Variants in LARP4 observed in about 807,000 individuals in gnomAD.
LARP4 encodes La ribonucleoprotein 4, also known as la-related protein 4.
In LARP4, 29 loss-of-function variants were observed where a neutral mutation model predicts 92.9. That is an observed-to-expected ratio of 0.31 (90% confidence interval 0.23 to 0.43). The LOEUF is 0.43. Ranked by LOEUF, LARP4 falls within the 20% of genes least tolerant of loss-of-function variation. The probability of loss-of-function intolerance (pLI) is 1.00; values close to 1 mark genes in which losing one functional copy is unlikely to be tolerated. For synonymous variants in LARP4, 279 were observed against 284.1 expected (o/e 0.98, Z 0.18); for missense variants, 732 against 860.0 (o/e 0.85, Z 1.86).
At chr12:50,461,924 T>G (rs968892803) in intron 11 of LARP4, among the ~76,000 whole-genome samples, 1 of 151,980 alleles carries the variant, frequency 6.6e-6, no homozygotes. Flanking sequence ...CACCACTGCA[T>G]TCCAGCCTGG....
chr12:50,456,894 T>G (rs1436814606), intron 10 of LARP4, among the ~76,000 whole-genome samples: 1 of 149,060 alleles, frequency 6.7e-6, no homozygotes, highest in African/African-American at 2.4e-5. Flanking sequence ...TATCAGTTCA[T>G]TTTCAAGATG....
chr12:50,453,074 CTTT>C (rs755416642), intron 8 of LARP4, among the ~76,000 whole-genome samples: 1 of 136,114 alleles, frequency 7.3e-6, no homozygotes, highest in Non-Finnish European at 1.6e-5. Flanking sequence ...CCATGCCCAG[CTTT>C]TTTTTTTTTT....
intron 5 of LARP4, among the ~76,000 whole-genome samples, chr12:50,437,068 C>G (rs967665466): frequency 1.7e-4 from 26 of 152,280 alleles, no homozygotes; most frequent in African/African-American, 5.5e-4. Context: ...CTTATTATAC[C>G]TATGCCATCA....
intron 1 of LARP4, chr12:50,402,761 G>C (rs1040480064): frequency 4.4e-6 from 2 of 455,648 alleles, no homozygotes; most frequent in Non-Finnish European, 8.8e-6. Flanking sequence ...AGGTCATGCT[G>C]ATGTCAAATC....
chr12:50,461,947 G>A (rs866346305), intron 11 of LARP4, among the ~76,000 whole-genome samples: 5 of 152,140 alleles, frequency 3.3e-5, no homozygotes, highest in Admixed American at 6.5e-5. Context: ...GACAGAGCGC[G>A]ACTCTGTCTC....
At chr12:50,408,965 A>G (rs753895699) in intron 1 of LARP4, among the ~76,000 whole-genome samples, 4 of 151,980 alleles carry the variant, frequency 2.6e-5, no homozygotes, top group East Asian at 1.9e-4. Context: ...CAACATAGTG[A>G]CACCCCATGT....
At chr12:50,469,601 C>CAAAAA (rs757844912) in intron 13 of LARP4, among the ~76,000 whole-genome samples, 17 of 65,432 alleles carry the variant, frequency 2.6e-4, no homozygotes, top group Non-Finnish European at 3.7e-4. Context: ...GAGACTCTAT[C>CAAAAA]AAAAAAAAAA....
At chr12:50,402,662 A>G (rs540861891) in intron 1 of LARP4, 3 of 387,144 alleles carry the variant, frequency 7.7e-6, no homozygotes, top group East Asian at 8.0e-5. Context: ...GCGATACTTA[A>G]TATGTTTTAC....
At position 50,461,237 on chromosome 12, in the gene LARP4, T is replaced by C. The variant is rs370323231; in HGVS notation, c.1224T>C (p.Phe408=). 5.6e-6 allele frequency: 9 copies of C among 1,614,108 alleles called. No homozygotes were observed. Among genetic ancestry groups the C allele is most frequent in the South Asian group, 5.5e-5 (5 of 91,074 alleles). Residue 408 remains phenylalanine (F), a synonymous_variant, in exon 11 of 16, where the codon TTT becomes TTC. Transcript: ENST00000398473. ...GQLNRYSSRN[F]PAERHNPTVT... ...TGAACAGATATAGTTCAAGAAACTT[T>C]CCAGCTGAACGGCATAACCCCACAG...
intron 1 of LARP4, among the ~76,000 whole-genome samples, chr12:50,410,562 C>T (rs1306559499): frequency 3.3e-5 from 5 of 151,664 alleles, no homozygotes; most frequent in South Asian, 2.1e-4. Context: ...CCCACCACCA[C>T]GCCTGGTTAT....
chr12:50,427,995 T>G, intron 2 of LARP4, 86 bp downstream of exon 2: 1 of 548,130 alleles, frequency 1.8e-6, no homozygotes, highest in Non-Finnish European at 2.6e-6. Flanking sequence ...ACACATCTCT[T>G]TTTTTTTTTT....
At chr12:50,450,383 G>C (rs1004569504) in intron 8 of LARP4, among the ~76,000 whole-genome samples, 6 of 152,160 alleles carry the variant, frequency 3.9e-5, no homozygotes, top group Admixed American at 6.5e-5. Context: ...CCACTGCCTA[G>C]ACACAAGTAG....
Position 50,400,934 on chromosome 12 carries a change from C to G in LARP4, c.-77C>G, listed in dbSNP as rs1009228048. Reference sequence around the variant, plus strand: ...GGGCAAGGCGAGTGTGTGTCCTTATCCTAGCAATTGGGGCGCGGGCCTGTG... The same window carrying G: ...GGGCAAGGCGAGTGTGTGTCCTTATGCTAGCAATTGGGGCGCGGGCCTGTG... On this transcript the variant is annotated 5_prime_UTR_variant, in exon 1 of 16. In the 5' UTR this introduces an upstream ATG that the reference lacks. Coordinates refer to ENST00000398473, the MANE Select transcript of LARP4 (RefSeq NM_052879.5). 5 of 1,600,450 alleles carry G rather than the reference C, an allele frequency of 3.1e-6. No homozygotes were observed. The highest frequency in any genetic ancestry group is 4.3e-6 in the Non-Finnish European group (5 of 1,167,560).
Position 50,478,217 on chromosome 12 carries a change from A to G in LARP4, c.*2353A>G, listed in dbSNP as rs1436213034. 6.6e-6 allele frequency: 1 copy of G among 152,170 alleles called. No homozygotes were observed. The highest frequency in any genetic ancestry group is 1.9e-4 in the East Asian group (1 of 5,206). 9.4% of individuals were successfully genotyped at this position (152,170 alleles called of 1,614,324 possible). On this transcript the variant is annotated 3_prime_UTR_variant, in exon 16 of 16. Coordinates refer to ENST00000398473, the MANE Select transcript of LARP4 (RefSeq NM_052879.5). Reference sequence around the variant, plus strand: ...TAAAGTAGAAATTTAATTTGTAGATATAACCTTTAAAAATTTTCTCATTAA... The same window carrying G: ...TAAAGTAGAAATTTAATTTGTAGATGTAACCTTTAAAAATTTTCTCATTAA...
At position 50,467,048 on chromosome 12, in the gene LARP4, A is replaced by G; in HGVS notation, c.1473A>G (p.Ser491=). ...ASNFPPLPGS[S]SRMPGELVLE... ...ATTTTCCACCTTTACCTGGAAGTTC[A>G]TCAAGAATGCCAGGTGAACTCGTTT... The change falls in exon 13 of 16, where the codon TCA becomes TCG. Residue 491 remains serine, a synonymous_variant. Coordinates refer to ENST00000398473, the MANE Select transcript of LARP4 (RefSeq NM_052879.5). 1.9e-6 allele frequency: 3 copies of G among 1,613,840 alleles called. No homozygotes were observed. The highest frequency in any genetic ancestry group is 1.7e-6 in the Non-Finnish European group (2 of 1,179,776).
At chr12:50,419,051 A>T (rs1947312346) in intron 1 of LARP4, among the ~76,000 whole-genome samples, 1 of 152,082 alleles carries the variant, frequency 6.6e-6, no homozygotes, top group Admixed American at 6.6e-5. Flanking sequence ...TTTAAAGCAG[A>T]GATTTAAGCT....
rs965954422 is a variant in LARP4, at chr12:50,472,309, T to G, written c.1546-1106T>G. Among the ~76,000 whole-genome samples, 13 of 152,332 alleles carry G rather than the reference T, an allele frequency of 8.5e-5. No homozygotes were observed. In the East Asian group the frequency reaches 2.5e-3, roughly 29 times the overall value. On this transcript the variant is annotated intron_variant, in intron 13 of 15. Transcript: ENST00000398473. ...TCTTTCAAGACTAAAACTCTATACC[T>G]ATTAAACCATTACCTGTTCCTCCTT...
At chr12:50,467,228 T>C (rs1956260841) in intron 13 of LARP4, 108 bp downstream of exon 13, 1 of 806,114 alleles carries the variant, frequency 1.2e-6, no homozygotes, top group South Asian at 2.9e-5. Flanking sequence ...TCTATCATAG[T>C]TTTTATTTAT....
intron 3 of LARP4, among the ~76,000 whole-genome samples, 158 bp from the exon 4 acceptor site, chr12:50,430,337 C>T (rs1039062331): frequency 6.6e-6 from 1 of 152,178 alleles, no homozygotes; most frequent in Non-Finnish European, 1.5e-5. Flanking sequence ...GTACTCTAGC[C>T]TGGGCAACAA....
Sources: allele counts gnomAD v4.1 joint callset (sites outside exome capture counted in the v4.1 genomes callset), GRCh38; gene constraint gnomAD v4.1.1; transcripts MANE v1.5; gene names NCBI Gene and HGNC (gene_info 2026-07-23, HGNC 2026-07-21).